The following CDH12 variants were observed in gnomAD, a reference collection of about 807,000 sequenced individuals.
CDH12 encodes the protein cadherin 12.
CDH12 carries 41 observed loss-of-function variants against 74.1 expected under a neutral mutation model. That is an observed-to-expected ratio of 0.55 (90% CI 0.43 to 0.72). CDH12 has a LOEUF of 0.72. Among genes scored for constraint, CDH12 ranks in the 30% least tolerant of loss-of-function variants. CDH12 has a pLI of 0.00. For missense variants in CDH12, 945 were observed against 977.2 expected (o/e 0.97, Z 0.44); for synonymous variants, 399 against 355.0 (o/e 1.12, Z -1.39).
At chr5:21,909,943 A>G (rs1165578369) in intron 6 of CDH12, among the ~76,000 whole-genome samples, 1 of 152,178 alleles carries the variant, frequency 6.6e-6, no homozygotes, top group East Asian at 1.9e-4. Flanking sequence ...GTTGACTGGC[A>G]TGGAATTCCA....
intron 1 of CDH12, among the ~76,000 whole-genome samples, chr5:22,584,586 T>C (rs1311049661): frequency 1.3e-5 from 2 of 152,236 alleles, no homozygotes; most frequent in Non-Finnish European, 2.9e-5. Flanking sequence ...TTGATATTTC[T>C]GTGCATATGT....
At chr5:21,840,513 T>C (rs1271473625) in intron 8 of CDH12, among the ~76,000 whole-genome samples, 1 of 151,750 alleles carries the variant, frequency 6.6e-6, no homozygotes, top group African/African-American at 2.4e-5. Flanking sequence ...TACTTTAAAG[T>C]TCATATGGAA....
At chr5:22,146,807 T>C (rs1043152627) in intron 4 of CDH12, among the ~76,000 whole-genome samples, 10 of 152,170 alleles carry the variant, frequency 6.6e-5, no homozygotes, top group Non-Finnish European at 1.3e-4. Context: ...TAAGCCATGC[T>C]GTGATTGTTC....
intron 3 of CDH12, among the ~76,000 whole-genome samples, chr5:22,228,101 C>T (rs1338301951): frequency 6.6e-6 from 1 of 151,898 alleles, no homozygotes; most frequent in East Asian, 1.9e-4. Context: ...ATATCAGTAA[C>T]TACATTTAGA....
At chr5:22,473,243 T>C (rs1445676785) in intron 2 of CDH12, among the ~76,000 whole-genome samples, 1 of 152,096 alleles carries the variant, frequency 6.6e-6, no homozygotes, top group Non-Finnish European at 1.5e-5. Flanking sequence ...ACTCCCCATA[T>C]AAAGAGATCT....
At chr5:22,796,681 G>A (rs1255705797) in intron 1 of CDH12, among the ~76,000 whole-genome samples, 2 of 133,346 alleles carry the variant, frequency 1.5e-5, no homozygotes, top group African/African-American at 6.2e-5. Context: ...CACTACGCCC[G>A]GCTAATTTTT....
chr5:22,406,831 A>G (rs1393241127), intron 2 of CDH12, among the ~76,000 whole-genome samples: 3 of 152,124 alleles, frequency 2.0e-5, no homozygotes, highest in Non-Finnish European at 4.4e-5. Flanking sequence ...AACAATATGC[A>G]TCACAGTTGA....
intron 1 of CDH12, among the ~76,000 whole-genome samples, chr5:22,722,546 C>G (rs1743953398): frequency 1.3e-5 from 2 of 152,120 alleles, no homozygotes; most frequent in African/African-American, 4.8e-5. Context: ...AATCTCATGT[C>G]AGGGCAGAAT....
chr5:22,424,191 C>T (rs1743795049), intron 2 of CDH12, among the ~76,000 whole-genome samples: 1 of 151,966 alleles, frequency 6.6e-6, no homozygotes, highest in South Asian at 2.1e-4. Flanking sequence ...CCTTGTGTGC[C>T]TACATCTTCT....
Position 22,636,472 on chromosome 5 carries a change from G to A in CDH12, c.-522-131108C>T, listed in dbSNP as rs143092976. Reference sequence around the variant, plus strand: ...CAATATTGTATATCCAAACAATGGCGTATTCTTTAGTAATAAAAATGAAGT... The same window carrying A: ...CAATATTGTATATCCAAACAATGGCATATTCTTTAGTAATAAAAATGAAGT... On this transcript the variant is annotated intron_variant, in intron 1 of 14. Transcript: ENST00000382254. Among the ~76,000 whole-genome samples, 569 of 152,208 alleles carry A rather than the reference G, an allele frequency of 3.7e-3. 2 individuals are homozygous for A. The highest frequency in any genetic ancestry group is 0.01 in the African/African-American group (423 of 41,534).
chr5:22,207,163 G>C (rs1161794443), intron 4 of CDH12, among the ~76,000 whole-genome samples: 5 of 144,626 alleles, frequency 3.5e-5, no homozygotes, highest in Non-Finnish European at 1.5e-5. Context: ...AGCTTGCAGT[G>C]AGCTGAGATT....
intron 1 of CDH12, among the ~76,000 whole-genome samples, chr5:22,562,331 AAAAC>A (rs551121795): frequency 0.01 from 1,568 of 152,188 alleles, 17 homozygotes; most frequent in Admixed American, 0.016. Flanking sequence ...ACAAAAACAA[AAAAC>A]AAACAAACAA....
chr5:22,215,641 C>T (rs1460653854), intron 3 of CDH12, among the ~76,000 whole-genome samples: 2 of 152,216 alleles, frequency 1.3e-5, no homozygotes, highest in Middle Eastern at 6.8e-3. Flanking sequence ...ATCTCAAGAA[C>T]AGCCATAAAA....
At chr5:22,032,612 G>A (rs762158635) in intron 5 of CDH12, among the ~76,000 whole-genome samples, 2 of 151,490 alleles carry the variant, frequency 1.3e-5, no homozygotes, top group Non-Finnish European at 2.9e-5. Flanking sequence ...TTGGGAAGCT[G>A]AGGCAGAATT....
At chr5:22,124,164 T>A (rs1745695438) in intron 4 of CDH12, among the ~76,000 whole-genome samples, 1 of 151,730 alleles carries the variant, frequency 6.6e-6, no homozygotes, top group Non-Finnish European at 1.5e-5. Context: ...TTATTTTATT[T>A]CATTTTTTTT....
At chr5:22,294,775 C>T (rs916185875) in intron 3 of CDH12, among the ~76,000 whole-genome samples, 9 of 152,146 alleles carry the variant, frequency 5.9e-5, no homozygotes, top group African/African-American at 1.7e-4. Context: ...GGTTTCTTCC[C>T]GACTATAGGT....
rs1008583450 is a variant in CDH12, at chr5:22,789,900, T to C, written c.-523+63158A>G. On this transcript the variant is annotated intron_variant, in intron 1 of 14. Transcript: ENST00000382254. ...AAAACAGTTTTCTTAAGTTACTTTT[T>C]CTGTCCTTTTAGTGGCTTCATTTAA... 2.6e-5 allele frequency among the ~76,000 whole-genome samples: 4 copies of C among 151,952 alleles called. No homozygotes were observed. The South Asian group carries it at 8.3e-4, about 31-fold the overall frequency.
chr5:22,131,425 G>C (rs1271082976), intron 4 of CDH12, among the ~76,000 whole-genome samples: 1 of 152,034 alleles, frequency 6.6e-6, no homozygotes, highest in Non-Finnish European at 1.5e-5. Flanking sequence ...TAGTTGCTGG[G>C]ATAAGATAGA....
intron 1 of CDH12, among the ~76,000 whole-genome samples, chr5:22,524,231 C>T (rs979559907): frequency 5.9e-5 from 9 of 152,110 alleles, no homozygotes; most frequent in Non-Finnish European, 1.2e-4. Context: ...AATCAATCCA[C>T]CCACCTTGGC....
Sources: gnomAD v4.1 joint callset for allele counts (sites outside exome capture counted in the v4.1 genomes callset) on GRCh38, gnomAD v4.1.1 for gene constraint, MANE v1.5 for transcripts, NCBI Gene and HGNC (gene_info 2026-07-23, HGNC 2026-07-21) for gene names.